Variants in ARID2 observed in about 807,000 individuals in gnomAD.
ARID2 encodes the protein AT-rich interactive domain-containing protein 2.
ARID2 carries 32 observed loss-of-function variants against 184.6 expected under a neutral mutation model. The ratio of observed to expected loss-of-function variants is 0.17; its 90% CI spans 0.13 to 0.23. The LOEUF is 0.23. ARID2 is among the 10% of genes least tolerant of loss of function. The pLI is 1.00. For missense variants in ARID2, 1,696 were observed against 2,197.6 expected (o/e 0.77, Z 4.56); for synonymous variants, 836 against 772.6 (o/e 1.08, Z -1.36).
intron 3 of ARID2, among the ~76,000 whole-genome samples, chr12:45,742,607 T>A (rs578108896): frequency 1.3e-5 from 2 of 152,220 alleles, no homozygotes; most frequent in East Asian, 1.9e-4. Flanking sequence ...GTTCATAGAA[T>A]CCCATTATTA....
At chr12:45,889,073 T>A (rs1944246286) in intron 16 of ARID2, among the ~76,000 whole-genome samples, 1 of 152,094 alleles carries the variant, frequency 6.6e-6, no homozygotes, top group African/African-American at 2.4e-5. Context: ...TCCCAGCTAC[T>A]CGGGAGGCTG....
At chr12:45,782,917 TG>T (rs1213953338) in intron 3 of ARID2, among the ~76,000 whole-genome samples, 4 of 151,956 alleles carry the variant, frequency 2.6e-5, no homozygotes, top group African/African-American at 7.3e-5. Context: ...GAGACCAGCC[TG>T]GGCAACATGG....
At chr12:45,904,247 A>G in intron 20 of ARID2, 2 of 651,458 alleles carry the variant, frequency 3.1e-6, no homozygotes, top group South Asian at 3.5e-5. Context: ...CTTTAATTAT[A>G]CCTACAATAT....
Position 45,750,659 on chromosome 12 carries a change from T to TA in ARID2, c.284+19346dup, listed in dbSNP as rs1218339706. Among the ~76,000 whole-genome samples, 4 of 152,334 alleles carry TA rather than the reference T, an allele frequency of 2.6e-5. No individual in the cohort carries two copies. In the East Asian group the frequency reaches 7.7e-4, roughly 29 times the overall value. On this transcript the variant is annotated intron_variant, in intron 3 of 20. Coordinates refer to ENST00000334344, the MANE Select transcript of ARID2 (RefSeq NM_152641.4). ...TAACTACTATTTTTGAAAACATGGA[T>TA]ACGATTAATACAAATGATGTGATTA...
chr12:45,812,902 C>CA (rs1328376592), intron 4 of ARID2, among the ~76,000 whole-genome samples: 5 of 152,152 alleles, frequency 3.3e-5, no homozygotes, highest in Admixed American at 6.5e-5. Flanking sequence ...CTACTGTTCC[C>CA]AAACAAACAC....
intron 3 of ARID2, among the ~76,000 whole-genome samples, chr12:45,749,656 G>C (rs1255469990): frequency 6.6e-6 from 1 of 152,178 alleles, no homozygotes; most frequent in Non-Finnish European, 1.5e-5. Context: ...AGTGTAGCCA[G>C]TTCTATCATT....
rs1273536227 is a variant in ARID2, at chr12:45,850,786, C to A, written c.2663C>A (p.Ala888Asp). The change falls in exon 15 of 21, where the codon GCC becomes GAC. Residue 888 changes from alanine to aspartate, a missense_variant. Physicochemically the swap from Ala to Asp is moderately radical, Grantham distance 126. Coordinates refer to ENST00000334344, the MANE Select transcript of ARID2 (RefSeq NM_152641.4). ...VTIAGVPSPQ[A>D]SRVGFQNIAP... The stretch of plus-strand genomic sequence containing the variant: ...ATTGCTGGTGTCCCAAGTCCACAAG[C>A]CTCAAGGGTAGGGTTTCAGAACATT... 6.2e-7 allele frequency: 1 copy of A among 1,614,120 alleles called. No homozygotes were observed. The highest frequency in any genetic ancestry group is 8.5e-7 in the Non-Finnish European group (1 of 1,180,002).
intron 3 of ARID2, among the ~76,000 whole-genome samples, chr12:45,766,116 C>A (rs1264035983): frequency 6.6e-6 from 1 of 151,966 alleles, no homozygotes; most frequent in African/African-American, 2.4e-5. Flanking sequence ...ACAAATAAGA[C>A]CACAATGAAC....
chr12:45,827,109 G>A (rs1181761115), intron 6 of ARID2, among the ~76,000 whole-genome samples: 1 of 151,466 alleles, frequency 6.6e-6, no homozygotes, highest in Non-Finnish European at 1.5e-5. Context: ...TATAAAAAAC[G>A]TTTTTTCTTA....
chr12:45,877,744 T>C (rs958410998), intron 16 of ARID2, among the ~76,000 whole-genome samples: 3 of 152,190 alleles, frequency 2.0e-5, no homozygotes, highest in Non-Finnish European at 1.5e-5. Context: ...AGATATACTA[T>C]TGTTATTTTT....
chr12:45,801,073 G>C (rs568509354), intron 3 of ARID2, among the ~76,000 whole-genome samples: 1 of 152,320 alleles, frequency 6.6e-6, no homozygotes, highest in East Asian at 1.9e-4. Flanking sequence ...AGCGCTTTGG[G>C]AGGCTGAGGT....
chr12:45,877,084 T>G lies in ARID2; in HGVS notation c.4923-14696T>G, dbSNP rs181794. Among the ~76,000 whole-genome samples the G allele has an allele frequency of 2.9e-3, 354 of 121,854 alleles. 3 individuals are homozygous for G. The highest frequency in any genetic ancestry group is 0.012 in the African/African-American group (334 of 27,670). 79.9% of individuals were successfully genotyped at this position (121,854 alleles called of 152,430 possible). A position where few individuals can be genotyped will look rare whatever the true frequency, so the allele number is the denominator to read the frequency against. On this transcript the variant is annotated intron_variant, in intron 16 of 20. Coordinates refer to ENST00000334344, the MANE Select transcript of ARID2 (RefSeq NM_152641.4). ...TCCAGCCTGGGTGACAGAGTGAGAC[T>G]CCATCTCAAAAAAAAAAAAAAAAAA...
At chr12:45,817,643 A>G in intron 4 of ARID2, 27 bp from the exon 5 acceptor site, 1 of 1,564,042 alleles carries the variant, frequency 6.4e-7, no homozygotes, top group African/African-American at 1.4e-5. Context: ...TCTTTGATAT[A>G]CTTAAGGTAT....
rs184163669 is a variant in ARID2 at position 45,760,702 on chromosome 12, T to C, written c.284+29388T>C. Among the ~76,000 whole-genome samples, 50 of 152,262 alleles carry C rather than the reference T, an allele frequency of 3.3e-4. 1 individual carries two copies. Among genetic ancestry groups the C allele is most frequent in the African/African-American group, 1.2e-3 (49 of 41,574 alleles). On this transcript the variant is annotated intron_variant, in intron 3 of 20. Transcript: ENST00000334344. ...ACCGGTATATGTTTCCATTTGTCTT[T>C]TATTGCCCTTGCCTTTGAATTTAAA...
In ARID2 at chr12:45,850,907, T is replaced by G; in HGVS notation, c.2784T>G (p.Ile928Met). The part of the protein sequence containing the change: ...PQQPTQQSVV[I>M]VSQPAQQGQT... ...AGCCAACCCAACAAAGCGTAGTGAT[T>G]GTAAGCCAGCCAGCTCAACAAGGTC... Residue 928 changes from isoleucine to methionine, a missense_variant, in exon 15 of 21, where the codon ATT becomes ATG. This residue lies in a region of ARID2 where 713 missense variants were observed against 824.4 expected (regional missense o/e 0.86). Transcript: ENST00000334344. 6.2e-7 allele frequency: 1 copy of G among 1,614,134 alleles called. No homozygotes were observed. The highest frequency in any genetic ancestry group is 8.5e-7 in the Non-Finnish European group (1 of 1,180,004).
Position 45,891,893 on chromosome 12 carries a change from G to A in ARID2, c.5036G>A (p.Arg1679Gln), listed in dbSNP as rs780577038. 1.2e-6 allele frequency: 2 copies of A among 1,613,942 alleles called. No individual in the cohort carries two copies. The highest frequency in any genetic ancestry group is 1.7e-6 in the Non-Finnish European group (2 of 1,180,004). Residue 1679 changes from arginine (R) to glutamine (Q), a missense_variant, in exon 17 of 21, where the codon CGG becomes CAG. By Grantham distance (43) the Arg-to-Gln change is conservative. This residue lies in a region of ARID2 where 16 missense variants were observed against 50.3 expected (regional missense o/e 0.32). Coordinates refer to ENST00000334344, the MANE Select transcript of ARID2 (RefSeq NM_152641.4). ...GGTTGTGAGCCTTTTCAGCGACAGC[G>A]GTTTTCTTTTATTACCCACTTGCAG... ...WEGCEPFQRQ[R>Q]FSFITHLQDK... is the part of the protein sequence containing the mutation.
At chr12:45,770,395 G>A (rs1165129354) in intron 3 of ARID2, among the ~76,000 whole-genome samples, 1 of 152,052 alleles carries the variant, frequency 6.6e-6, no homozygotes, top group African/African-American at 2.4e-5. Context: ...ACAGCAGGGG[G>A]GCACCCTGTC....
rs138933897 is a variant in ARID2 at position 45,850,045 on chromosome 12, A to G, written c.1922A>G (p.His641Arg). 2.9e-5 allele frequency: 46 copies of G among 1,605,626 alleles called. No homozygotes were observed. Among genetic ancestry groups the G allele is most frequent in the Non-Finnish European group, 3.9e-5 (46 of 1,175,188 alleles). ...TTCTTCATATTTTCAGGAATCCCTCATGGATCACAAACCATAGGAAACCAT... is the reference window on the plus strand; with the variant it reads ...TTCTTCATATTTTCAGGAATCCCTCGTGGATCACAAACCATAGGAAACCAT... ...SPAPSPAGIP[H>R]GSQTIGNHFQ... The change falls in exon 15 of 21, where the codon CAT becomes CGT. Residue 641 changes from histidine (H) to arginine (R), a missense_variant. Around this residue, in one of 11 missense-constraint regions of ARID2, gnomAD observed 713 missense variants for 824.4 expected, o/e 0.86. Transcript: ENST00000334344.
At chr12:45,769,405 A>G (rs1479970116) in intron 3 of ARID2, among the ~76,000 whole-genome samples, 2 of 152,246 alleles carry the variant, frequency 1.3e-5, no homozygotes, top group Non-Finnish European at 2.9e-5. Flanking sequence ...GCTGAAATGA[A>G]GAGTTCACTA....
Sources: gnomAD v4.1 joint callset for allele counts (sites outside exome capture counted in the v4.1 genomes callset) on GRCh38, gnomAD v4.1.1 for gene constraint, gnomAD v4.1.1 regional missense constraint, MANE v1.5 for transcripts, NCBI Gene and HGNC (gene_info 2026-07-23, HGNC 2026-07-21) for gene names.